ANKDD1A: variants seen among roughly 807,000 people sequenced by gnomAD.
ANKDD1A encodes the protein ankyrin repeat and death domain containing 1A, also known as ankyrin repeat and death domain-containing protein 1A.
A neutral mutation model predicts 63.5 loss-of-function variants in ANKDD1A; 59 were observed. That is an observed-to-expected ratio of 0.93 (90% CI 0.75 to 1.15). The LOEUF is 1.15. Among genes scored for constraint, ANKDD1A ranks in the 50% most tolerant of loss-of-function variants. The probability of loss-of-function intolerance (pLI) is 0.00; values close to 1 mark genes in which losing one functional copy is unlikely to be tolerated. For missense variants in ANKDD1A, 632 were observed against 656.4 expected (o/e 0.96, Z 0.41); for synonymous variants, 266 against 263.9 (o/e 1.01, Z -0.08).
At chr15:64,940,143 G>GT (rs2085169075) in intron 9 of ANKDD1A, among the ~76,000 whole-genome samples, 1 of 32,168 alleles carries the variant, frequency 3.1e-5, no homozygotes, top group Non-Finnish European at 1.5e-4. Context: ...AAACTCAACA[G>GT]TAAAAAAAAA....
chr15:64,954,775 TCTC>T (rs150457502), intron 14 of ANKDD1A, among the ~76,000 whole-genome samples: 6,771 of 146,902 alleles, frequency 0.046, 554 homozygotes, highest in African/African-American at 0.17. Context: ...TCTTTCTTCT[TCTC>T]CTTCTTCCTT....
chr15:64,952,530 CTT>C lies in ANKDD1A; in HGVS notation c.1483+2559_1483+2560del, dbSNP rs2085311121. On this transcript the variant is annotated intron_variant, in intron 14 of 14. Coordinates refer to ENST00000319580, the MANE Select transcript of ANKDD1A (RefSeq NM_182703.6). The stretch of plus-strand genomic sequence containing the variant: ...TCTTCTTACTTTCTTCTTCCTTCGT[CTT>C]CTTCTCCTTCTCCTCCTCCTTCCTT... 2.0e-5 allele frequency among the ~76,000 whole-genome samples: 3 copies of C among 146,974 alleles called. No individual in the cohort carries two copies. The East Asian group carries it at 6.0e-4, about 30-fold the overall frequency.
At chr15:64,919,440 CTTTTG>C (rs1163767679) in intron 3 of ANKDD1A, among the ~76,000 whole-genome samples, 1 of 152,136 alleles carries the variant, frequency 6.6e-6, no homozygotes, top group Non-Finnish European at 1.5e-5. Flanking sequence ...TCATTTGTTT[CTTTTG>C]TTTTGTTTTA....
chr15:64,951,594 T>TTC (rs2085279425), intron 14 of ANKDD1A, among the ~76,000 whole-genome samples: 3 of 102,366 alleles, frequency 2.9e-5, no homozygotes, highest in African/African-American at 1.1e-4. Context: ...TCCTTTTCTT[T>TTC]CTTCTTTCTT....
chr15:64,912,454 C>A (rs1211501218), intron 1 of ANKDD1A, among the ~76,000 whole-genome samples: 1 of 152,168 alleles, frequency 6.6e-6, no homozygotes, highest in Non-Finnish European at 1.5e-5. Flanking sequence ...GGCTGGATAG[C>A]GAGTGGAGAC....
chr15:64,956,102 A>T (rs2085414001), intron 14 of ANKDD1A, among the ~76,000 whole-genome samples: 1 of 152,180 alleles, frequency 6.6e-6, no homozygotes, highest in Admixed American at 6.5e-5. Flanking sequence ...ATTAAGTGGA[A>T]AAAAACCCCA....
chr15:64,950,847 G>A, intron 14 of ANKDD1A: 2 of 1,105,236 alleles, frequency 1.8e-6, no homozygotes, highest in East Asian at 9.1e-5. Context: ...CTTAAATATA[G>A]TTGTTACATC....
At chr15:64,920,281 A>G (rs2084998988) in intron 3 of ANKDD1A, among the ~76,000 whole-genome samples, 1 of 152,138 alleles carries the variant, frequency 6.6e-6, no homozygotes, top group South Asian at 2.1e-4. Context: ...AGTGGAGGTC[A>G]GTGAAGGGAC....
chr15:64,956,841 C>T (rs1014260004), intron 14 of ANKDD1A, among the ~76,000 whole-genome samples: 20 of 152,090 alleles, frequency 1.3e-4, no homozygotes, highest in South Asian at 4.1e-4. Flanking sequence ...GCATGAGCCA[C>T]GGAGCCCAGC....
Position 64,941,807 on chromosome 15 carries a change from G to A in ANKDD1A, c.868-660G>A, listed in dbSNP as rs1595854498. ...TCAGGGGGCCACAGGAGACTATTGG[G>A]GATGGTGTCTTCCACTGTTGAAGGA... On this transcript the variant is annotated intron_variant, in intron 9 of 14. Transcript: ENST00000319580. Among the ~76,000 whole-genome samples, 4 of 152,278 alleles carry A rather than the reference G, an allele frequency of 2.6e-5. 1 individual carries two copies. In the South Asian group the frequency reaches 8.3e-4, roughly 32 times the overall value.
intron 14 of ANKDD1A, among the ~76,000 whole-genome samples, chr15:64,954,091 T>G (rs2085374270): frequency 6.9e-6 from 1 of 144,792 alleles, no homozygotes; most frequent in Non-Finnish European, 1.5e-5. Flanking sequence ...TTCTTCTTTC[T>G]CCTCCCTCTT....
intron 14 of ANKDD1A, among the ~76,000 whole-genome samples, chr15:64,953,179 T>C (rs371176917): frequency 7.4e-6 from 1 of 134,624 alleles, no homozygotes; most frequent in Non-Finnish European, 1.6e-5. Context: ...TTTTCTTCTT[T>C]TTCTTCTTCC....
At chr15:64,937,451 G>A (rs544325896) in intron 9 of ANKDD1A, among the ~76,000 whole-genome samples, 18 of 151,992 alleles carry the variant, frequency 1.2e-4, no homozygotes, top group South Asian at 8.3e-4. Context: ...GAGGACGGCC[G>A]GGCGCAGTGG....
Position 64,928,780 on chromosome 15 carries a change from G to A in ANKDD1A, c.570+1781G>A, listed in dbSNP as rs536004190. Among the ~76,000 whole-genome samples the A allele has an allele frequency of 5.3e-5, 8 of 152,358 alleles. No homozygotes were observed. In the East Asian group the frequency reaches 1.3e-3, roughly 26 times the overall value. ...CCCAAGGTGGAGGGGAGAGGGCCCC[G>A]GGCCCACGCCAAGGCTGCCTTCTGC... On this transcript the variant is annotated intron_variant, in intron 6 of 14. Coordinates refer to ENST00000319580, the MANE Select transcript of ANKDD1A (RefSeq NM_182703.6).
At chr15:64,938,100 C>T (rs28812032) in intron 9 of ANKDD1A, among the ~76,000 whole-genome samples, 7,259 of 152,152 alleles carry the variant, frequency 0.048, 592 homozygotes, top group African/African-American at 0.17. Context: ...AAAAACTGTG[C>T]GTCCATACTG....
chr15:64,936,494 T>A (rs1406193261), intron 9 of ANKDD1A, among the ~76,000 whole-genome samples: 1 of 152,206 alleles, frequency 6.6e-6, no homozygotes, highest in Non-Finnish European at 1.5e-5. Flanking sequence ...TTGTTTTTAA[T>A]ACCAAAAGTA....
At chr15:64,927,779 T>C (rs537522904) in intron 6 of ANKDD1A, among the ~76,000 whole-genome samples, 112 of 152,114 alleles carry the variant, frequency 7.4e-4, no homozygotes, top group African/African-American at 2.7e-3. Context: ...TAATTTTTTT[T>C]GTATTTTTAG....
chr15:64,953,597 T>TAGTTC (rs1382712518), intron 14 of ANKDD1A, among the ~76,000 whole-genome samples: 1 of 56,110 alleles, frequency 1.8e-5, no homozygotes, highest in Non-Finnish European at 4.6e-5. Flanking sequence ...TCCTTCTCCT[T>TAGTTC]TTCTTCTTTC....
chr15:64,954,289 G>GTTC lies in ANKDD1A; in HGVS notation c.1484-2812_1484-2810dup, dbSNP rs2085379340. ...TCTTTTCCTTTCTTCTTCCTTCTTA[G>GTTC]TTCTCCTTTTCTTCTCCTTCTCTTC... On this transcript the variant is annotated intron_variant, in intron 14 of 14. Coordinates refer to ENST00000319580, the MANE Select transcript of ANKDD1A (RefSeq NM_182703.6). 4.5e-5 allele frequency among the ~76,000 whole-genome samples: 3 copies of GTTC among 67,250 alleles called. No individual in the cohort carries two copies. In the South Asian group the frequency reaches 1.6e-3, roughly 35 times the overall value. 44.1% of individuals were successfully genotyped at this position (67,250 alleles called of 152,430 possible). A position where few individuals can be genotyped will look rare whatever the true frequency, so the allele number is the denominator to read the frequency against.
Sources: gnomAD v4.1 joint callset for allele counts (sites outside exome capture counted in the v4.1 genomes callset) on GRCh38, gnomAD v4.1.1 for gene constraint, MANE v1.5 for transcripts, NCBI Gene and HGNC (gene_info 2026-07-23, HGNC 2026-07-21) for gene names.